Variants in PDE1C observed in about 807,000 individuals in gnomAD.
PDE1C encodes phosphodiesterase 1C.
A neutral mutation model predicts 93.1 loss-of-function variants in PDE1C; 62 were observed. The ratio of observed to expected loss-of-function variants is 0.67; its 90% CI spans 0.54 to 0.82. PDE1C has a LOEUF of 0.82. Among genes scored for constraint, PDE1C ranks in the 40% least tolerant of loss-of-function variants. PDE1C has a pLI of 0.00. For synonymous variants in PDE1C, 325 were observed against 310.1 expected (o/e 1.05, Z -0.50); for missense variants, 742 against 884.6 (o/e 0.84, Z 2.04).
At chr7:31,630,936 T>A in the PDE1C span, among the ~76,000 whole-genome samples, 1 of 152,064 alleles carries the variant, frequency 6.6e-6, no homozygotes, top group South Asian at 2.1e-4. Flanking sequence ...AAAGCTAGGA[T>A]GAGAGGTAGA....
chr7:31,622,404 T>A, the PDE1C span, among the ~76,000 whole-genome samples: 4 of 151,874 alleles, frequency 2.6e-5, no homozygotes, highest in Admixed American at 2.6e-4. Context: ...CATAACAAAC[T>A]ATCTCTCAGA....
At chr7:31,634,058 G>T in the PDE1C span, among the ~76,000 whole-genome samples, 9 of 152,148 alleles carry the variant, frequency 5.9e-5, no homozygotes, top group African/African-American at 2.2e-4. Flanking sequence ...AAGGTCCTTT[G>T]GCAGGGACCA....
At chr7:32,375,720 A>G (rs966397924) in intron 1 of PDE1C, among the ~76,000 whole-genome samples, 3 of 152,262 alleles carry the variant, frequency 2.0e-5, no homozygotes, top group Admixed American at 2.0e-4. Flanking sequence ...CTCTGCTGCC[A>G]ACAGCTTGAT....
At chr7:32,058,611 T>G (rs1794412347) in intron 1 of PDE1C, among the ~76,000 whole-genome samples, 1 of 152,224 alleles carries the variant, frequency 6.6e-6, no homozygotes, top group South Asian at 2.1e-4. Context: ...CTACTGAGAA[T>G]GGAAAGTCTT....
intron 1 of PDE1C, among the ~76,000 whole-genome samples, chr7:32,258,110 G>A (rs896497626): frequency 1.3e-5 from 2 of 152,296 alleles, no homozygotes; most frequent in East Asian, 1.9e-4. Flanking sequence ...GCTTTACTGC[G>A]CTTGGGGCCA....
At chr7:32,154,201 G>A (rs1448379861) in intron 3 of PDE1C, among the ~76,000 whole-genome samples, 1 of 152,312 alleles carries the variant, frequency 6.6e-6, no homozygotes, top group East Asian at 1.9e-4. Flanking sequence ...TGAGGCTGCA[G>A]TGAGCTGTGA....
intron 1 of PDE1C, among the ~76,000 whole-genome samples, chr7:32,421,728 C>T (rs755460548): frequency 3.4e-4 from 51 of 152,150 alleles, no homozygotes; most frequent in Non-Finnish European, 7.3e-5. Context: ...ATTCCCTTCC[C>T]TTATTAAAAG....
intron 2 of PDE1C, among the ~76,000 whole-genome samples, chr7:31,944,226 C>A (rs1304372889): frequency 6.6e-6 from 1 of 152,204 alleles, no homozygotes; most frequent in Non-Finnish European, 1.5e-5. Flanking sequence ...TCCTACTATG[C>A]TCTGTCTGGT....
chr7:31,997,647 C>T (rs953979389), intron 2 of PDE1C, among the ~76,000 whole-genome samples: 2 of 152,194 alleles, frequency 1.3e-5, no homozygotes, highest in Non-Finnish European at 1.5e-5. Flanking sequence ...AAGGTAGATG[C>T]TGTCTGTTGC....
In PDE1C at chr7:31,757,448, A is replaced by T. The variant is rs114401839; in HGVS notation, c.1961-3895T>A. Among the ~76,000 whole-genome samples, 303 of 152,324 alleles carry T rather than the reference A, an allele frequency of 2.0e-3. 1 individual carries two copies. The highest frequency in any genetic ancestry group is 7.2e-3 in the African/African-American group (299 of 41,572). On this transcript the variant is annotated intron_variant, in intron 17 of 17. Transcript: ENST00000396191. ...TCTATCAGAGTTATTCTACGAAATC[A>T]CACCTGAGAGAAAATCAGTCAAACC...
intron 9 of PDE1C, among the ~76,000 whole-genome samples, chr7:31,843,100 CTTA>C (rs1792120534): frequency 2.0e-5 from 3 of 151,854 alleles, no homozygotes; most frequent in Non-Finnish European, 4.4e-5. Flanking sequence ...ACTCTTTAAG[CTTA>C]TGATATTTTA....
At chr7:32,075,770 A>T (rs935477420), upstream of PDE1C, among the ~76,000 whole-genome samples, 3 of 152,196 alleles carry the variant, frequency 2.0e-5, no homozygotes, top group African/African-American at 7.2e-5. Context: ...AGCCCGATGT[A>T]GTCTGCATGT....
chr7:31,692,494 A>G, the PDE1C span: 22 of 1,610,694 alleles, frequency 1.4e-5, no homozygotes, highest in African/African-American at 2.8e-4. Flanking sequence ...GACAGACTGG[A>G]CAAGCTAGAC....
rs1031645755 is a variant in PDE1C, at chr7:31,890,229, C to T, written c.129-9369G>A. Among the ~76,000 whole-genome samples the T allele has an allele frequency of 2.0e-5, 3 of 152,348 alleles. No individual in the cohort carries two copies. In the East Asian group the frequency reaches 5.8e-4, roughly 29 times the overall value. ...GGGAAGCAGTTAAGATCCTGACAGA[C>T]TACCAAGAGGTAAGTTCCAGAAGCC... On this transcript the variant is annotated intron_variant, in intron 2 of 17. Coordinates refer to ENST00000396191, the MANE Select transcript of PDE1C (RefSeq NM_001191057.4).
chr7:32,245,497 T>C (rs1351774592), intron 1 of PDE1C, among the ~76,000 whole-genome samples: 2 of 152,100 alleles, frequency 1.3e-5, no homozygotes, highest in African/African-American at 4.8e-5. Context: ...TCGTTCTGCT[T>C]CCCCTTTCGC....
In PDE1C at chr7:32,366,442, A is replaced by AT. The variant is rs1474736645; in HGVS notation, c.310+61379dup. Reference sequence around the variant, plus strand: ...TTATGGAACACAATTAAGTGAACAAATATTCACATTATACATATTCCAGAG... The same window carrying AT: ...TTATGGAACACAATTAAGTGAACAAATTATTCACATTATACATATTCCAGAG... On this transcript the variant is annotated intron_variant, in intron 1 of 1. Transcript: ENST00000672256. Among the ~76,000 whole-genome samples the AT allele has an allele frequency of 1.1e-3, 174 of 152,292 alleles. 2 individuals carry two copies. The highest frequency in any genetic ancestry group is 3.9e-3 in the African/African-American group (164 of 41,554).
chr7:31,845,610 T>C (rs1256784048), intron 9 of PDE1C, among the ~76,000 whole-genome samples: 1 of 151,968 alleles, frequency 6.6e-6, no homozygotes, highest in Admixed American at 6.6e-5. Flanking sequence ...CAAACCACCA[T>C]GGCACATGTA....
At chr7:32,111,591 C>T (rs892106035) in intron 3 of PDE1C, among the ~76,000 whole-genome samples, 1 of 152,004 alleles carries the variant, frequency 6.6e-6, no homozygotes, top group Admixed American at 6.6e-5. Flanking sequence ...CAGGAGCCCA[C>T]CAGGTCAATG....
chr7:31,950,966 C>A (rs186382953), intron 2 of PDE1C, among the ~76,000 whole-genome samples: 1 of 152,102 alleles, frequency 6.6e-6, no homozygotes, highest in Non-Finnish European at 1.5e-5. Context: ...GTTCTGGAGG[C>A]GGAAAGTCCA....
Sources: gnomAD v4.1 joint callset for allele counts (sites outside exome capture counted in the v4.1 genomes callset) on GRCh38, gnomAD v4.1.1 for gene constraint, MANE v1.5 for transcripts, NCBI Gene and HGNC (gene_info 2026-07-23, HGNC 2026-07-21) for gene names.